VWA8: variants seen among roughly 807,000 people sequenced by gnomAD.
The protein encoded by VWA8 is von Willebrand factor A domain containing 8, also known as von Willebrand factor A domain-containing protein 8.
A neutral mutation model predicts 241.5 loss-of-function variants in VWA8; 221 were observed. That is an observed-to-expected ratio of 0.91 (90% CI 0.82 to 1.02). The LOEUF (loss-of-function observed/expected upper bound fraction) is 1.02, where lower values mean the gene tolerates loss of function less well. VWA8 is among the 50% of genes least tolerant of loss of function. VWA8 has a pLI of 0.00. For synonymous variants in VWA8, 852 were observed against 827.1 expected (o/e 1.03, Z -0.52); for missense variants, 2,322 against 2,328.7 (o/e 1.00, Z 0.06).
intron 12 of VWA8, 107 bp downstream of exon 12, chr13:41,865,629 C>G: frequency 1.6e-6 from 2 of 1,234,484 alleles, no homozygotes; most frequent in Non-Finnish European, 2.3e-6. Context: ...TGGTTCTTTA[C>G]CTATATAAAA....
At chr13:41,708,129 G>T (rs951063607) in intron 26 of VWA8, among the ~76,000 whole-genome samples, 4 of 152,128 alleles carry the variant, frequency 2.6e-5, no homozygotes, top group African/African-American at 9.6e-5. Flanking sequence ...AGGCCGAGGC[G>T]GGCGGATCAC....
chr13:41,583,715 C>T (rs2044399604), intron 42 of VWA8, among the ~76,000 whole-genome samples: 1 of 149,438 alleles, frequency 6.7e-6, no homozygotes, highest in Admixed American at 6.7e-5. Flanking sequence ...ATGAGAGGGT[C>T]ATAAGAGTGA....
chr13:41,675,272 C>T lies in VWA8; in HGVS notation c.4352G>A (p.Gly1451Asp), dbSNP rs778451548. 2.5e-6 allele frequency: 4 copies of T among 1,612,634 alleles called. No homozygotes were observed. In the South Asian group the frequency reaches 4.4e-5, roughly 18 times the overall value. Residue 1451 changes from glycine to aspartate, a missense_variant, in exon 36 of 45, where the codon GGT (glycine) becomes GAT (aspartate). Gly to Asp is a moderately conservative substitution (Grantham distance 94). Coordinates refer to ENST00000379310, the MANE Select transcript of VWA8 (RefSeq NM_015058.2). The stretch of plus-strand genomic sequence containing the variant: ...TTGAAGATCAGTGACTTCTATATAA[C>T]CAGATGTTTGTGGAGGAGTAACATC... ...PKDVTPPQTS[G>D]YIEVTDLQSK... is the part of the protein sequence containing the mutation.
At chr13:41,572,946 A>G (rs2044319102) in intron 43 of VWA8, among the ~76,000 whole-genome samples, 1 of 146,758 alleles carries the variant, frequency 6.8e-6, no homozygotes, top group Non-Finnish European at 1.5e-5. Context: ...TGTCTCTACT[A>G]AAAATACAAA....
At chr13:41,840,100 T>A (rs1204438342) in intron 12 of VWA8, among the ~76,000 whole-genome samples, 1 of 152,214 alleles carries the variant, frequency 6.6e-6, no homozygotes, top group Non-Finnish European at 1.5e-5. Context: ...CTTTGTAAGT[T>A]GTATTCCTAA....
intron 37 of VWA8, among the ~76,000 whole-genome samples, chr13:41,632,768 C>T (rs2044733876): frequency 6.6e-6 from 1 of 152,180 alleles, no homozygotes; most frequent in South Asian, 2.1e-4. Context: ...CCTGGAGTTC[C>T]TGTGAAACAT....
intron 2 of VWA8, chr13:41,926,827 C>T (rs942861605): frequency 3.5e-6 from 2 of 563,910 alleles, no homozygotes; most frequent in Non-Finnish European, 7.2e-6. Flanking sequence ...CTCTTTGAAA[C>T]TGATGAAACT....
At chr13:41,755,469 TA>T (rs1393291899) in intron 21 of VWA8, among the ~76,000 whole-genome samples, 1 of 152,006 alleles carries the variant, frequency 6.6e-6, no homozygotes. Flanking sequence ...ATGGGTACTA[TA>T]AAATATAAAT....
intron 2 of VWA8, among the ~76,000 whole-genome samples, chr13:41,935,136 C>T (rs1877290308): frequency 6.6e-6 from 1 of 152,150 alleles, no homozygotes; most frequent in East Asian, 1.9e-4. Context: ...AACTGACATG[C>T]ACGAAAGGAG....
At position 41,739,819 on chromosome 13, in the gene VWA8, GT is replaced by G. The variant is rs199771503; in HGVS notation, c.2427-7665del. ...CCCCAGCCTATCTTCCAGTATCATT[GT>G]TTTTTTGTTTTTTTTTTTGTTTTTT... On this transcript the variant is annotated intron_variant, in intron 21 of 44. Transcript: ENST00000379310. Among the ~76,000 whole-genome samples the G allele has an allele frequency of 6.7e-4, 50 of 74,964 alleles. 1 individual carries two copies. In the South Asian group the frequency reaches 0.02, roughly 29 times the overall value. 49.2% of individuals were successfully genotyped at this position (74,964 alleles called of 152,430 possible). A position where few individuals can be genotyped will look rare whatever the true frequency, so the allele number is the denominator to read the frequency against.
intron 40 of VWA8, among the ~76,000 whole-genome samples, chr13:41,602,729 T>C (rs2139654889): frequency 6.6e-6 from 1 of 152,260 alleles, no homozygotes; most frequent in African/African-American, 2.4e-5. Flanking sequence ...ACTAACATAC[T>C]GGTATCTGTC....
At chr13:41,916,777 C>T (rs567201858) in intron 2 of VWA8, among the ~76,000 whole-genome samples, 3 of 152,226 alleles carry the variant, frequency 2.0e-5, no homozygotes, top group South Asian at 4.1e-4. Flanking sequence ...CTTAAAAGCA[C>T]GCCAGAAATA....
At chr13:41,830,747 G>C in intron 13 of VWA8, 105 bp from the exon 14 acceptor site, 1 of 933,670 alleles carries the variant, frequency 1.1e-6, no homozygotes, top group Non-Finnish European at 1.6e-6. Context: ...GCTGGCAATT[G>C]AGTCTAATAA....
intron 20 of VWA8, among the ~76,000 whole-genome samples, chr13:41,765,734 TTA>T (rs1223645291): frequency 6.6e-6 from 1 of 152,190 alleles, no homozygotes; most frequent in Non-Finnish European, 1.5e-5. Flanking sequence ...CTATACATAT[TTA>T]TCTTTACTTA....
chr13:41,649,934 C>T (rs1039526577), intron 37 of VWA8, among the ~76,000 whole-genome samples: 5 of 152,108 alleles, frequency 3.3e-5, no homozygotes, highest in Admixed American at 6.5e-5. Flanking sequence ...CTGGCTGGGA[C>T]GGGAAATAAT....
intron 12 of VWA8, among the ~76,000 whole-genome samples, chr13:41,855,634 G>A (rs977550563): frequency 4.6e-5 from 7 of 151,852 alleles, no homozygotes; most frequent in Non-Finnish European, 1.0e-4. Context: ...AAGACTAATG[G>A]GGATAGAAAG....
At chr13:41,631,090 G>T (rs1264044265) in intron 37 of VWA8, among the ~76,000 whole-genome samples, 7 of 152,110 alleles carry the variant, frequency 4.6e-5, no homozygotes, top group Admixed American at 4.6e-4. Flanking sequence ...TGCGATCATG[G>T]CTCACTGCAG....
intron 4 of VWA8, among the ~76,000 whole-genome samples, chr13:41,901,814 C>T (rs1243482001): frequency 3.9e-5 from 5 of 128,872 alleles, no homozygotes; most frequent in Admixed American, 2.0e-4. Context: ...TGCAGTGAGC[C>T]GAGATCATGC....
chr13:41,898,941 C>T lies in VWA8; in HGVS notation c.484-7354G>A, dbSNP rs1381835060. Among the ~76,000 whole-genome samples, 8 of 152,224 alleles carry T rather than the reference C, an allele frequency of 5.3e-5. No individual in the cohort carries two copies. The South Asian group carries it at 6.2e-4, about 12-fold the overall frequency. On this transcript the variant is annotated intron_variant, in intron 4 of 44. Coordinates refer to ENST00000379310, the MANE Select transcript of VWA8 (RefSeq NM_015058.2). ...GGCCCGCAAGCGCCGCGCGCAGCCCCGATTCCCGCTCGCGCCTCTTCCTCC... is the reference window on the plus strand; with the variant it reads ...GGCCCGCAAGCGCCGCGCGCAGCCCTGATTCCCGCTCGCGCCTCTTCCTCC...
Sources: gnomAD v4.1 joint callset for allele counts (sites outside exome capture counted in the v4.1 genomes callset) on GRCh38, gnomAD v4.1.1 for gene constraint, MANE v1.5 for transcripts, NCBI Gene and HGNC (gene_info 2026-07-23, HGNC 2026-07-21) for gene names.